ROS1: variants seen among roughly 807,000 people sequenced by gnomAD.
ROS1 encodes the protein proto-oncogene tyrosine-protein kinase ROS.
ROS1 carries 263 observed loss-of-function variants against 273.5 expected under a neutral mutation model. The observed-to-expected ratio is 0.96, with a 90% CI of 0.87 to 1.06. The LOEUF (loss-of-function observed/expected upper bound fraction) is 1.06, where lower values mean the gene tolerates loss of function less well. Among genes scored for constraint, ROS1 ranks in the 50% least tolerant of loss-of-function variants. The probability of loss-of-function intolerance (pLI) is 0.00; values close to 1 mark genes in which losing one functional copy is unlikely to be tolerated. For missense variants in ROS1, 2,833 were observed against 2,751.1 expected (o/e 1.03, Z -0.67); for synonymous variants, 1,008 against 954.1 (o/e 1.06, Z -1.04).
chr6:117,295,980 A>G (rs1774209909), intron 43 of ROS1, among the ~76,000 whole-genome samples: 1 of 152,220 alleles, frequency 6.6e-6, no homozygotes, highest in African/African-American at 2.4e-5. Flanking sequence ...CAGCAATCCC[A>G]CTGCTGTACA....
chr6:117,352,642 C>G (rs748065700), intron 27 of ROS1, among the ~76,000 whole-genome samples: 1 of 152,084 alleles, frequency 6.6e-6, no homozygotes, highest in Non-Finnish European at 1.5e-5. Flanking sequence ...GTATGCAATG[C>G]TTTTTGACAC....
chr6:117,307,951 T>C (rs1189495600), intron 42 of ROS1, among the ~76,000 whole-genome samples: 1 of 152,170 alleles, frequency 6.6e-6, no homozygotes. Flanking sequence ...TGGGTGTCTT[T>C]TCATTCAAAA....
chr6:117,377,407 G>A (rs959559293), intron 18 of ROS1, among the ~76,000 whole-genome samples: 9 of 151,816 alleles, frequency 5.9e-5, no homozygotes, highest in Non-Finnish European at 8.8e-5. Flanking sequence ...CACCACGCCC[G>A]GCCCAAATTA....
intron 4 of ROS1, among the ~76,000 whole-genome samples, chr6:117,409,851 T>G (rs1305060970): frequency 6.6e-6 from 1 of 152,224 alleles, no homozygotes; most frequent in East Asian, 1.9e-4. Context: ...CTTGCTAGAC[T>G]GGCATTTCCC....
In ROS1 at chr6:117,288,258, T is replaced by C; in HGVS notation, c.*234A>G. 1.9e-6 allele frequency: 1 copy of C among 535,328 alleles called. No individual in the cohort carries two copies. The highest frequency in any genetic ancestry group is 3.3e-6 in the Non-Finnish European group (1 of 304,578). The allele number at this position is 535,328 out of a possible 1,614,324, so 33.2% of individuals were successfully genotyped here. A position where few individuals can be genotyped will look rare whatever the true frequency, so the allele number is the denominator to read the frequency against. On this transcript the variant is annotated 3_prime_UTR_variant, in exon 44 of 44. Coordinates refer to ENST00000368507, the MANE Select transcript of ROS1 (RefSeq NM_001378902.1). ...TCCAGACTTCTGAGTCTTCCTAAGC[T>C]TTCCACATGCTTAGTGTTCATCTCA...
At chr6:117,412,194 GTAATTTTT>G (rs909209974) in intron 4 of ROS1, among the ~76,000 whole-genome samples, 39 of 152,012 alleles carry the variant, frequency 2.6e-4, no homozygotes, top group African/African-American at 9.4e-4. Context: ...TTTGTATTTT[GTAATTTTT>G]TCCAAAGAGC....
At chr6:117,294,021 A>C (rs1377886254) in intron 43 of ROS1, among the ~76,000 whole-genome samples, 1 of 152,200 alleles carries the variant, frequency 6.6e-6, no homozygotes, top group Non-Finnish European at 1.5e-5. Context: ...TTGAAGACAC[A>C]TGATACATTA....
chr6:117,335,943 A>T (rs909981652), intron 32 of ROS1, among the ~76,000 whole-genome samples: 1 of 152,152 alleles, frequency 6.6e-6, no homozygotes, highest in Non-Finnish European at 1.5e-5. Flanking sequence ...CTGCACATGT[A>T]TCTTATTTTT....
chr6:117,313,899 G>A (rs912367405), intron 39 of ROS1, among the ~76,000 whole-genome samples: 4 of 152,028 alleles, frequency 2.6e-5, no homozygotes, highest in African/African-American at 7.2e-5. Context: ...AGCACCTAAC[G>A]ATGTCTCTAT....
intron 7 of ROS1, among the ~76,000 whole-genome samples, chr6:117,399,535 G>A (rs1773779070): frequency 6.6e-6 from 1 of 152,184 alleles, no homozygotes; most frequent in Non-Finnish European, 1.5e-5. Context: ...TTAGGTCCAA[G>A]GCCTAGTTCA....
At chr6:117,319,387 T>C (rs1185819460) in intron 37 of ROS1, among the ~76,000 whole-genome samples, 1 of 152,112 alleles carries the variant, frequency 6.6e-6, no homozygotes, top group Non-Finnish European at 1.5e-5. Flanking sequence ...ATGAAAATAA[T>C]ATAAAATTCA....
chr6:117,379,842 C>T (rs1267190370), intron 17 of ROS1, among the ~76,000 whole-genome samples: 3 of 152,106 alleles, frequency 2.0e-5, no homozygotes, highest in African/African-American at 7.2e-5. Flanking sequence ...AGATCATACA[C>T]AAAGGATGTT....
intron 24 of ROS1, among the ~76,000 whole-genome samples, chr6:117,358,782 TC>T (rs1779539616): frequency 6.6e-6 from 1 of 152,024 alleles, no homozygotes; most frequent in Admixed American, 6.6e-5. Context: ...ATTTTAAATG[TC>T]CAGTTTGTCA....
At chr6:117,309,025 C>A (rs2128546732) in intron 41 of ROS1, 97 bp from the exon 42 acceptor site, 1 of 1,210,856 alleles carries the variant, frequency 8.3e-7, no homozygotes. Context: ...CTAGCAGGGT[C>A]TACTTTGTCA....
In ROS1 at chr6:117,344,268, A is replaced by G. The variant is rs779543203; in HGVS notation, c.4304-6T>C. 2 of 1,608,796 alleles carry G rather than the reference A, an allele frequency of 1.2e-6. No individual in the cohort carries two copies. Among genetic ancestry groups the G allele is most frequent in the Admixed American group, 3.3e-5 (2 of 59,872 alleles). ...TAGAGACAGAAACGCTTTATCTAAA[A>G]TAAGAAGAAACCAAAAGATTAAATA... is the stretch of plus-strand genomic sequence containing the variant. On this transcript the variant is annotated splice_polypyrimidine_tract_variant and splice_region_variant and intron_variant, in intron 27 of 43. Transcript: ENST00000368507.
intron 18 of ROS1, among the ~76,000 whole-genome samples, chr6:117,370,758 AAAAT>A (rs1365445385): frequency 3.4e-5 from 5 of 145,914 alleles, no homozygotes; most frequent in African/African-American, 5.1e-5. Flanking sequence ...GCAACCTAAA[AAAAT>A]AAATAGACAT....
intron 18 of ROS1, among the ~76,000 whole-genome samples, chr6:117,372,512 C>G (rs1780892511): frequency 6.6e-6 from 1 of 152,184 alleles, no homozygotes; most frequent in Non-Finnish European, 1.5e-5. Flanking sequence ...GTGAGCGTTA[C>G]AGTTCTTAAA....
chr6:117,295,404 A>G (rs1774154115), intron 43 of ROS1, among the ~76,000 whole-genome samples: 1 of 152,218 alleles, frequency 6.6e-6, no homozygotes, highest in African/African-American at 2.4e-5. Flanking sequence ...AATACTGGGG[A>G]AAATCTCCAG....
chr6:117,389,122 T>C (rs1052315741), intron 13 of ROS1, among the ~76,000 whole-genome samples: 6 of 152,232 alleles, frequency 3.9e-5, no homozygotes, highest in African/African-American at 1.4e-4. Context: ...TCAATAAATG[T>C]TCAAATTATT....
Sources: gnomAD v4.1 joint callset for allele counts (sites outside exome capture counted in the v4.1 genomes callset) on GRCh38, gnomAD v4.1.1 for gene constraint, MANE v1.5 for transcripts, NCBI Gene and HGNC (gene_info 2026-07-23, HGNC 2026-07-21) for gene names.